MPP4: variants seen among roughly 807,000 people sequenced by gnomAD.
MPP4 encodes MAGUK p55 scaffold protein 4.
Under a neutral mutation model 98.3 loss-of-function variants are expected in MPP4, and 91 were observed. The observed-to-expected ratio is 0.93, with a 90% CI of 0.78 to 1.10. The LOEUF is 1.10. Ranked by LOEUF, MPP4 falls within the 50% of genes least tolerant of loss-of-function variation. MPP4 has a pLI of 0.00. For missense variants in MPP4, 744 were observed against 792.9 expected (o/e 0.94, Z 0.74); for synonymous variants, 261 against 271.8 (o/e 0.96, Z 0.39).
At chr2:201,670,913 C>T (rs1364808183) in intron 11 of MPP4, among the ~76,000 whole-genome samples, 3 of 152,188 alleles carry the variant, frequency 2.0e-5, no homozygotes, top group Non-Finnish European at 4.4e-5. Flanking sequence ...AAAGGGTAAA[C>T]CAAAGCAGGG....
At chr2:201,697,282 C>A (rs1689215920) in intron 1 of MPP4, among the ~76,000 whole-genome samples, 1 of 152,196 alleles carries the variant, frequency 6.6e-6, no homozygotes, top group Non-Finnish European at 1.5e-5. Flanking sequence ...GTTATGACAG[C>A]CAAAGCTAAG....
At chr2:201,690,713 C>T (rs1209243680) in intron 3 of MPP4, among the ~76,000 whole-genome samples, 4 of 152,318 alleles carry the variant, frequency 2.6e-5, no homozygotes, top group African/African-American at 7.2e-5. Flanking sequence ...AGCTGTGTGG[C>T]TCAGGGCCAC....
intron 5 of MPP4, among the ~76,000 whole-genome samples, chr2:201,686,673 C>T (rs1456027162): frequency 1.3e-5 from 2 of 152,150 alleles, no homozygotes; most frequent in African/African-American, 2.4e-5. Flanking sequence ...AGTTGGAACT[C>T]AGAAAATTCT....
intron 11 of MPP4, 117 bp from the exon 12 acceptor site, chr2:201,669,867 T>C (rs1688292298): frequency 2.7e-6 from 2 of 741,480 alleles, no homozygotes; most frequent in Non-Finnish European, 3.8e-6. Flanking sequence ...TTGTAATTAG[T>C]ATTCTGGGTT....
chr2:201,670,809 C>A (rs1248768146), intron 11 of MPP4, among the ~76,000 whole-genome samples: 2 of 152,214 alleles, frequency 1.3e-5, no homozygotes, highest in Admixed American at 6.5e-5. Context: ...CAGCTCCCAG[C>A]AAGATCAATG....
intron 11 of MPP4, among the ~76,000 whole-genome samples, chr2:201,674,052 A>C (rs142071586): frequency 6.6e-6 from 1 of 152,358 alleles, no homozygotes; most frequent in African/African-American, 2.4e-5. Context: ...AGCTGCTTGA[A>C]TAATATTGTC....
intron 21 of MPP4, among the ~76,000 whole-genome samples, chr2:201,647,432 C>T (rs1292463565): frequency 6.6e-6 from 1 of 151,986 alleles, no homozygotes; most frequent in Admixed American, 6.5e-5. Flanking sequence ...GATGTCCATC[C>T]AAAAGGATAA....
intron 6 of MPP4, 43 bp from the exon 7 acceptor site, chr2:201,685,188 C>T (rs373947600): frequency 1.3e-6 from 2 of 1,524,188 alleles, no homozygotes; most frequent in South Asian, 1.2e-5. Context: ...CCTGACATGA[C>T]CATTTTCCAG....
Position 201,680,876 on chromosome 2 carries a change from G to A in MPP4, c.891C>T (p.Thr297=). 6.2e-7 allele frequency: 1 copy of A among 1,613,570 alleles called. No homozygotes were observed. The highest frequency in any genetic ancestry group is 1.1e-5 in the South Asian group (1 of 90,928). ...GGTTAGAAGGGACAAGCCCAGCGCA[G>A]GTAGCAGGGTCTGAGATTTTTCGGG... is the stretch of plus-strand genomic sequence containing the variant. ...WQARKISDPA[T]CAGLVPSNHL... The change falls in exon 10 of 22, where the codon ACC becomes ACT. Residue 297 remains threonine (T), a synonymous_variant. Coordinates refer to ENST00000409474, the MANE Select transcript of MPP4 (RefSeq NM_033066.3).
At chr2:201,647,441 A>G (rs1365317499) in intron 21 of MPP4, among the ~76,000 whole-genome samples, 1 of 152,216 alleles carries the variant, frequency 6.6e-6, no homozygotes, top group Admixed American at 6.5e-5. Flanking sequence ...CCAAAAGGAT[A>G]AATCGTAAGG....
intron 20 of MPP4, among the ~76,000 whole-genome samples, chr2:201,648,773 C>T (rs896810094): frequency 6.6e-6 from 1 of 152,152 alleles, no homozygotes; most frequent in African/African-American, 2.4e-5. Flanking sequence ...ACTAAGAAAA[C>T]ATGGCTGGGC....
Position 201,686,008 on chromosome 2 carries a change from C to A in MPP4, c.403G>T (p.Glu135Ter). Reference sequence around the variant, plus strand: ...TCTGGCAGTGGAGGGAGAAGGGGTTCAAAATCTTTCTGAGCTATCGTGTCA... The same window carrying A: ...TCTGGCAGTGGAGGGAGAAGGGGTTAAAAATCTTTCTGAGCTATCGTGTCA... ...AHDTIAQKDF[E>*]PLLPPLPDNI... The change falls in exon 6 of 22, where the codon GAA (glutamate) becomes TAA (stop). Residue 135 changes from glutamate (E) to a stop codon, truncating the protein, a stop_gained. Transcript: ENST00000409474. LOFTEE classifies it high-confidence loss of function. 6.2e-7 allele frequency: 1 copy of A among 1,612,706 alleles called. No individual in the cohort carries two copies. The highest frequency in any genetic ancestry group is 1.1e-5 in the South Asian group (1 of 91,040).
At chr2:201,670,333 A>G (rs1454553619) in intron 11 of MPP4, among the ~76,000 whole-genome samples, 2 of 152,198 alleles carry the variant, frequency 1.3e-5, no homozygotes. Flanking sequence ...ATACAAAATA[A>G]TATTAATTGA....
Position 201,680,949 on chromosome 2 carries a change from C to T in MPP4, c.818G>A (p.Gly273Glu). The T allele has an allele frequency of 1.2e-6, 2 of 1,613,876 alleles. No homozygotes were observed. Among genetic ancestry groups the T allele is most frequent in the Non-Finnish European group, 1.7e-6 (2 of 1,179,876 alleles). ...CTGGTCCACAATCTGGAGGATGTCC[C>T]CCTTCTGGAAAGGCAATCCAGCGTC... ...CMDAGLPFQK[G>E]DILQIVDQND... is the part of the protein sequence containing the mutation. The change falls in exon 10 of 22, where the codon GGG (glycine) becomes GAG (glutamate). Residue 273 changes from glycine (G) to glutamate (E), a missense_variant. Transcript: ENST00000409474.
At chr2:201,662,001 A>G in intron 14 of MPP4, 1 of 339,324 alleles carries the variant, frequency 2.9e-6, no homozygotes, top group Non-Finnish European at 5.7e-6. Flanking sequence ...CCAACCATCT[A>G]ACGGAAAATA....
intron 3 of MPP4, among the ~76,000 whole-genome samples, chr2:201,690,489 T>C (rs920948016): frequency 2.6e-5 from 4 of 152,196 alleles, no homozygotes; most frequent in Non-Finnish European, 5.9e-5. Context: ...AGCTTAATTA[T>C]TGGCTGCCAT....
At chr2:201,662,157 A>T in intron 14 of MPP4, 1 of 246,396 alleles carries the variant, frequency 4.1e-6, no homozygotes, top group East Asian at 1.4e-4. Flanking sequence ...ATAATCTACC[A>T]CACATGTAAT....
chr2:201,690,933 A>G (rs1303025934), intron 3 of MPP4, among the ~76,000 whole-genome samples: 2 of 152,208 alleles, frequency 1.3e-5, no homozygotes, highest in African/African-American at 4.8e-5. Flanking sequence ...TAGCTCTGCA[A>G]TGCACCCCTT....
At chr2:201,684,760 C>A (rs986669526) in intron 7 of MPP4, among the ~76,000 whole-genome samples, 12 of 151,780 alleles carry the variant, frequency 7.9e-5, no homozygotes, top group African/African-American at 2.7e-4. Context: ...ACCATCCTGG[C>A]TAACACGGTG....
Sources: allele counts gnomAD v4.1 joint callset (sites outside exome capture counted in the v4.1 genomes callset), GRCh38; gene constraint gnomAD v4.1.1; transcripts MANE v1.5; gene names NCBI Gene and HGNC (gene_info 2026-07-23, HGNC 2026-07-21).